The following SPTLC1 variants were observed in gnomAD, a reference collection of about 807,000 sequenced individuals.
The protein encoded by SPTLC1 is serine palmitoyltransferase 1.
Under a neutral mutation model 68.9 loss-of-function variants are expected in SPTLC1, and 55 were observed. The ratio of observed to expected loss-of-function variants is 0.80; its 90% CI spans 0.64 to 1.00. SPTLC1 has a LOEUF of 1.00. Ranked by LOEUF, SPTLC1 falls within the 50% of genes least tolerant of loss-of-function variation. SPTLC1 has a pLI of 0.00. For synonymous variants in SPTLC1, 197 were observed against 201.6 expected (o/e 0.98, Z 0.19); for missense variants, 449 against 573.1 (o/e 0.78, Z 2.21).
chr9:92,114,812 C>T (rs775162392), intron 1 of SPTLC1: 8 of 162,908 alleles, frequency 4.9e-5, no homozygotes, highest in Non-Finnish European at 1.1e-4. Flanking sequence ...AACTGATGTA[C>T]GCAGAAGAAT....
chr9:92,093,574 G>C (rs1378465310), intron 3 of SPTLC1, among the ~76,000 whole-genome samples: 2 of 152,082 alleles, frequency 1.3e-5, no homozygotes, highest in African/African-American at 4.8e-5. Context: ...GGAATTAATA[G>C]TAAATAAAGG....
intron 8 of SPTLC1, chr9:92,054,039 T>C (rs1833798468): frequency 1.2e-6 from 1 of 863,122 alleles, no homozygotes. Context: ...CTCAGCACTT[T>C]GGGAGGCCAA....
At chr9:92,114,149 G>A (rs1243491290) in intron 1 of SPTLC1, among the ~76,000 whole-genome samples, 1 of 151,900 alleles carries the variant, frequency 6.6e-6, no homozygotes, top group Non-Finnish European at 1.5e-5. Flanking sequence ...GGTGGTATGT[G>A]GTCCCAGCTA....
chr9:92,103,854 C>G (rs1228810266), intron 3 of SPTLC1, among the ~76,000 whole-genome samples: 1 of 152,208 alleles, frequency 6.6e-6, no homozygotes, highest in Non-Finnish European at 1.5e-5. Context: ...CCAGCCAGCA[C>G]CTGGGCCAGG....
At chr9:92,071,654 ATGACCAAATTGTAAGGTCCCC>A (rs977753669) in intron 5 of SPTLC1, among the ~76,000 whole-genome samples, 10 of 152,232 alleles carry the variant, frequency 6.6e-5, no homozygotes, top group Non-Finnish European at 1.5e-4. Context: ...TAGGAATTTT[ATGACCAAATTGTAAGGTCCCC>A]TGACCAAGCT....
intron 4 of SPTLC1, among the ~76,000 whole-genome samples, 169 bp downstream of exon 4, chr9:92,080,701 G>A (rs543689441): frequency 2.0e-5 from 3 of 152,256 alleles, no homozygotes; most frequent in Non-Finnish European, 2.9e-5. Flanking sequence ...ACCATGCCCT[G>A]CTAATTTTTG....
At chr9:92,062,120 T>C (rs926522005) in intron 6 of SPTLC1, among the ~76,000 whole-genome samples, 25 of 152,048 alleles carry the variant, frequency 1.6e-4, no homozygotes, top group African/African-American at 5.8e-4. Flanking sequence ...ATAATATAGG[T>C]AGTAAAAAAT....
intron 3 of SPTLC1, among the ~76,000 whole-genome samples, chr9:92,084,441 T>C (rs1835029075): frequency 6.6e-6 from 1 of 152,268 alleles, no homozygotes; most frequent in Non-Finnish European, 1.5e-5. Context: ...ATTGAGAGTT[T>C]TCAGCATGAA....
chr9:92,049,967 C>T lies in SPTLC1; in HGVS notation c.881G>A (p.Gly294Glu). The T allele has an allele frequency of 1.2e-6, 2 of 1,605,498 alleles. No individual in the cohort carries two copies. The highest frequency in any genetic ancestry group is 1.7e-6 in the Non-Finnish European group (2 of 1,172,186). Residue 294 changes from glycine (G) to glutamate (E), a missense_variant, in exon 9 of 15, where the codon GGA (glycine) becomes GAA (glutamate). Transcript: ENST00000262554. ...EHGRGVTEHY[G>E]INIDDIDLIS... ...TAAAAAAGGGGAACTTACATTGATT[C>T]CATAGTGTTCAGTGACTCCTCGGCC...
chr9:92,057,902 T>C (rs1300222295), intron 7 of SPTLC1, among the ~76,000 whole-genome samples: 17 of 152,188 alleles, frequency 1.1e-4, no homozygotes, highest in Admixed American at 8.5e-4. Flanking sequence ...TTGTTGCTCA[T>C]TTAAAAAAAA....
chr9:92,080,978 G>A lies in SPTLC1; in HGVS notation c.261-15C>T. ...GGCTTGGAGGGCTAGGGAAGAGATAGAGTGGTACATGTCAATTACACATTC... is the reference window on the plus strand; with the variant it reads ...GGCTTGGAGGGCTAGGGAAGAGATAAAGTGGTACATGTCAATTACACATTC... On this transcript the variant is annotated splice_polypyrimidine_tract_variant and intron_variant, in intron 3 of 14. Coordinates refer to ENST00000262554, the MANE Select transcript of SPTLC1 (RefSeq NM_006415.4). 1 of 1,587,836 alleles carries A rather than the reference G, an allele frequency of 6.3e-7. No individual in the cohort carries two copies. The highest frequency in any genetic ancestry group is 1.3e-5 in the African/African-American group (1 of 74,506).
rs540637501 is a variant in SPTLC1, at chr9:92,082,924, C to T, written c.261-1961G>A. On this transcript the variant is annotated intron_variant, in intron 3 of 14. Transcript: ENST00000262554. ...CTGTTGTTTCCTGACTTTTGAATGACTGCCATTCTAACTGGTGTGAGATGG... is the reference window on the plus strand; with the variant it reads ...CTGTTGTTTCCTGACTTTTGAATGATTGCCATTCTAACTGGTGTGAGATGG... Among the ~76,000 whole-genome samples the T allele has an allele frequency of 1.5e-3, 233 of 152,166 alleles. 2 individuals are homozygous for T. Among genetic ancestry groups the T allele is most frequent in the African/African-American group, 4.7e-3 (195 of 41,466 alleles).
chr9:92,099,686 T>C (rs1835675472), intron 3 of SPTLC1, among the ~76,000 whole-genome samples: 1 of 152,116 alleles, frequency 6.6e-6, no homozygotes, highest in Non-Finnish European at 1.5e-5. Context: ...TTTGTCATGT[T>C]GCCCAGGCTG....
In SPTLC1 at chr9:92,068,068, G is replaced by T. The variant is rs1434227116; in HGVS notation, c.458C>A (p.Ala153Glu). 1 of 1,613,996 alleles carries T rather than the reference G, an allele frequency of 6.2e-7. No homozygotes were observed. Among genetic ancestry groups the T allele is most frequent in the Non-Finnish European group, 8.5e-7 (1 of 1,179,964 alleles). ...DVHLDLEDRL[A>E]KFMKTEEAII... ...GGCTTCTTCTGTCTTCATAAATTTTGCCAGGCGGTCTTCCAAATCCAAATG... is the reference window on the plus strand; with the variant it reads ...GGCTTCTTCTGTCTTCATAAATTTTTCCAGGCGGTCTTCCAAATCCAAATG... The change falls in exon 6 of 15, where the codon GCA (alanine) becomes GAA (glutamate). Residue 153 changes from alanine to glutamate, a missense_variant. Ala to Glu is a moderately radical substitution (Grantham distance 107). Coordinates refer to ENST00000262554, the MANE Select transcript of SPTLC1 (RefSeq NM_006415.4).
chr9:92,066,093 T>C (rs900458731), intron 6 of SPTLC1, among the ~76,000 whole-genome samples: 4 of 152,172 alleles, frequency 2.6e-5, no homozygotes, highest in African/African-American at 7.2e-5. Context: ...AAATGATAAA[T>C]ACTATTCTAA....
At chr9:92,052,466 T>C (rs894308194) in intron 8 of SPTLC1, among the ~76,000 whole-genome samples, 2 of 151,894 alleles carry the variant, frequency 1.3e-5, no homozygotes, top group African/African-American at 4.8e-5. Flanking sequence ...CTGAAAACTA[T>C]AAACTCTTAG....
In SPTLC1 at chr9:92,032,163, A is replaced by T; in HGVS notation, c.*302T>A. On this transcript the variant is annotated 3_prime_UTR_variant, in exon 15 of 15. Transcript: ENST00000262554. ...TTTTAAACGACAACAAAAGAATATA[A>T]AATACTAGTATAAGAAAACATTTAA... 5.2e-6 allele frequency: 5 copies of T among 954,214 alleles called. No homozygotes were observed. Among genetic ancestry groups the T allele is most frequent in the Non-Finnish European group, 7.5e-6 (5 of 663,120 alleles). The allele number at this position is 954,214 out of a possible 1,614,324, so 59.1% of individuals were successfully genotyped here.
Position 92,032,527 on chromosome 9 carries a change from C to CT in SPTLC1, c.1359dup (p.Glu454ArgfsTer72). 6.2e-7 allele frequency: 1 copy of CT among 1,614,194 alleles called. No homozygotes were observed. The highest frequency in any genetic ancestry group is 8.5e-7 in the Non-Finnish European group (1 of 1,180,032). ...GACGCAGCTCTCTCCAGTTCTTCCT[C>CT]TGTTTGTTCCACCGTGACCACAACC... On this transcript the variant is annotated frameshift_variant, in exon 15 of 15. Coordinates refer to ENST00000262554, the MANE Select transcript of SPTLC1 (RefSeq NM_006415.4). LOFTEE classifies it high-confidence loss of function.
At chr9:92,073,379 C>T (rs908717108) in intron 5 of SPTLC1, among the ~76,000 whole-genome samples, 2 of 152,220 alleles carry the variant, frequency 1.3e-5, no homozygotes, top group African/African-American at 4.8e-5. Flanking sequence ...GGCACTAGGG[C>T]AGTACCCGTG....
Sources: allele counts gnomAD v4.1 joint callset (sites outside exome capture counted in the v4.1 genomes callset), GRCh38; gene constraint gnomAD v4.1.1; transcripts MANE v1.5; gene names NCBI Gene and HGNC (gene_info 2026-07-23, HGNC 2026-07-21).